The following GSAP variants were observed in gnomAD, a reference collection of about 807,000 sequenced individuals.
GSAP encodes the protein gamma-secretase activating protein, also known as gamma-secretase-activating protein.
A neutral mutation model predicts 131.7 loss-of-function variants in GSAP; 118 were observed. The observed-to-expected ratio is 0.90, with a 90% CI of 0.77 to 1.04. GSAP has a LOEUF of 1.04. Ranked by LOEUF, GSAP falls within the 50% of genes least tolerant of loss-of-function variation. The pLI, the probability that GSAP is intolerant of heterozygous loss-of-function variation, is 0.00. For synonymous variants in GSAP, 381 were observed against 363.4 expected (o/e 1.05, Z -0.55); for missense variants, 1,019 against 1,013.2 (o/e 1.01, Z -0.08).
At chr7:77,377,513 C>A in intron 8 of GSAP, 123 bp from the exon 9 acceptor site, 2 of 1,207,492 alleles carry the variant, frequency 1.7e-6, no homozygotes, top group East Asian at 2.7e-5. Context: ...TTCCACAGTT[C>A]ACTGTTAGAA....
intron 11 of GSAP, among the ~76,000 whole-genome samples, chr7:77,374,632 T>C (rs1198227497): frequency 6.7e-6 from 1 of 149,616 alleles, no homozygotes; most frequent in African/African-American, 2.5e-5. Flanking sequence ...GTCTTTTGTG[T>C]AAAAAGGAAA....
chr7:77,328,291 G>A, intron 22 of GSAP: 1 of 1,117,434 alleles, frequency 8.9e-7, no homozygotes, highest in Non-Finnish European at 1.1e-6. Context: ...CCAAGCCAAG[G>A]GAAATGCCAA....
chr7:77,315,885 C>T, intron 26 of GSAP: 1 of 152,220 alleles, frequency 6.6e-6, no homozygotes, highest in East Asian at 1.9e-4. Flanking sequence ...ATGAGCAAAA[C>T]AGGCACAACT....
intron 19 of GSAP, among the ~76,000 whole-genome samples, chr7:77,345,261 C>T (rs1403414815): frequency 6.6e-6 from 1 of 152,174 alleles, no homozygotes; most frequent in East Asian, 1.9e-4. Context: ...AATATCACCC[C>T]TTACCACAAA....
intron 23 of GSAP, among the ~76,000 whole-genome samples, chr7:77,324,602 C>G (rs888118330): frequency 3.3e-5 from 5 of 152,136 alleles, no homozygotes; most frequent in African/African-American, 1.2e-4. Flanking sequence ...TACCTTAATT[C>G]AATTCAGTCT....
intron 19 of GSAP, among the ~76,000 whole-genome samples, chr7:77,331,642 G>C (rs1020491217): frequency 1.3e-5 from 2 of 152,078 alleles, no homozygotes; most frequent in African/African-American, 4.8e-5. Flanking sequence ...AATGTGTTTT[G>C]GAGTATCAGT....
chr7:77,313,211 G>A (rs926909072), intron 28 of GSAP, among the ~76,000 whole-genome samples: 4 of 152,196 alleles, frequency 2.6e-5, no homozygotes, highest in Non-Finnish European at 5.9e-5. Context: ...AGACTCAGAT[G>A]TAAATATTAG....
intron 12 of GSAP, among the ~76,000 whole-genome samples, chr7:77,367,729 G>A (rs1584524609): frequency 6.6e-6 from 1 of 152,184 alleles, no homozygotes; most frequent in African/African-American, 2.4e-5. Context: ...ATGAACTGGG[G>A]AAGAGTCCAT....
chr7:77,320,956 A>C lies in GSAP; in HGVS notation c.1995-137T>G. On this transcript the variant is annotated intron_variant, in intron 25 of 30. Transcript: ENST00000257626. ...TGCTATGCCTTGTAGAAAGCCCCAT[A>C]AATATGAATGTGACCATCGGCCTAA... is the stretch of plus-strand genomic sequence containing the variant. 6 of 642,552 alleles carry C rather than the reference A, an allele frequency of 9.3e-6. No individual in the cohort carries two copies. In the Middle Eastern group the frequency reaches 7.5e-4, roughly 80 times the overall value. 39.8% of individuals were successfully genotyped at this position (642,552 alleles called of 1,614,324 possible).
chr7:77,390,197 T>G (rs554674069), intron 5 of GSAP, among the ~76,000 whole-genome samples: 2 of 152,294 alleles, frequency 1.3e-5, no homozygotes, highest in South Asian at 4.1e-4. Flanking sequence ...CTTTGTCAGA[T>G]GAGTAGGTTG....
chr7:77,345,090 G>A (rs1341586656), intron 19 of GSAP, among the ~76,000 whole-genome samples: 1 of 152,162 alleles, frequency 6.6e-6, no homozygotes, highest in African/African-American at 2.4e-5. Flanking sequence ...ACCCCCTTGG[G>A]CACTCTCTAA....
intron 13 of GSAP, 98 bp from the exon 14 acceptor site, chr7:77,360,999 T>C: frequency 1.4e-6 from 1 of 718,534 alleles, no homozygotes; most frequent in Non-Finnish European, 2.5e-6. Context: ...TCAGTGACCA[T>C]GAAACTGGTA....
chr7:77,327,884 C>T (rs1318692519), intron 22 of GSAP, among the ~76,000 whole-genome samples: 1 of 152,142 alleles, frequency 6.6e-6, no homozygotes, highest in African/African-American at 2.4e-5. Flanking sequence ...TATATAATAC[C>T]TGTCATTTGG....
At chr7:77,370,535 G>T (rs2150971618) in intron 12 of GSAP, among the ~76,000 whole-genome samples, 1 of 152,166 alleles carries the variant, frequency 6.6e-6, no homozygotes, top group South Asian at 2.1e-4. Flanking sequence ...GTGAGCTCCG[G>T]ATCCCATCCC....
chr7:77,350,386 C>T (rs1183044643), intron 18 of GSAP, among the ~76,000 whole-genome samples: 1 of 148,694 alleles, frequency 6.7e-6, no homozygotes, highest in Non-Finnish European at 1.5e-5. Flanking sequence ...AACTAACCTG[C>T]ACATTGTGCA....
intron 12 of GSAP, among the ~76,000 whole-genome samples, chr7:77,369,396 A>G (rs932586833): frequency 1.3e-5 from 2 of 152,194 alleles, no homozygotes; most frequent in Non-Finnish European, 1.5e-5. Context: ...GCCCACCACC[A>G]ATCTCATGAG....
intron 26 of GSAP, 48 bp from the exon 27 acceptor site, chr7:77,314,537 G>T (rs1479113239): frequency 6.2e-7 from 1 of 1,609,668 alleles, no homozygotes; most frequent in Admixed American, 1.7e-5. Flanking sequence ...AACATCTCCA[G>T]CAGCCCCCGG....
chr7:77,340,536 T>C (rs1790754148), intron 19 of GSAP, among the ~76,000 whole-genome samples: 1 of 152,130 alleles, frequency 6.6e-6, no homozygotes, highest in Non-Finnish European at 1.5e-5. Flanking sequence ...TTCACTCTCT[T>C]TTCCAGCCTC....
At chr7:77,393,268 T>C (rs1799860093) in intron 5 of GSAP, among the ~76,000 whole-genome samples, 1 of 152,172 alleles carries the variant, frequency 6.6e-6, no homozygotes, top group African/African-American at 2.4e-5. Context: ...GTTTCCAAAA[T>C]ATTCGTTCAA....
Sources: allele counts gnomAD v4.1 joint callset (sites outside exome capture counted in the v4.1 genomes callset), GRCh38; gene constraint gnomAD v4.1.1; transcripts MANE v1.5; gene names NCBI Gene and HGNC (gene_info 2026-07-23, HGNC 2026-07-21).